RAP1GAP2: variants seen among roughly 807,000 people sequenced by gnomAD.
The protein encoded by RAP1GAP2 is RAP1 GTPase activating protein 2.
Under a neutral mutation model 95.0 loss-of-function variants are expected in RAP1GAP2, and 27 were observed. That is an observed-to-expected ratio of 0.28 (90% CI 0.21 to 0.39). RAP1GAP2 has a LOEUF of 0.39. RAP1GAP2 is among the 10% of genes least tolerant of loss of function. The probability of loss-of-function intolerance (pLI) is 1.00; values close to 1 mark genes in which losing one functional copy is unlikely to be tolerated. For synonymous variants in RAP1GAP2, 373 were observed against 380.9 expected (o/e 0.98, Z 0.24); for missense variants, 771 against 970.0 (o/e 0.79, Z 2.72).
At chr17:2,947,540 A>G (rs536454310) in intron 3 of RAP1GAP2, among the ~76,000 whole-genome samples, 3 of 152,258 alleles carry the variant, frequency 2.0e-5, no homozygotes, top group East Asian at 3.9e-4. Flanking sequence ...TCATCTGGCA[A>G]ATGTTTATTG....
intron 3 of RAP1GAP2, among the ~76,000 whole-genome samples, chr17:2,944,581 T>C (rs2043637519): frequency 6.6e-6 from 1 of 152,354 alleles, no homozygotes; most frequent in African/African-American, 2.4e-5. Context: ...TCTCCACCTT[T>C]GACCTTCCTC....
chr17:2,958,370 C>T (rs548596827), intron 4 of RAP1GAP2, among the ~76,000 whole-genome samples: 3 of 152,198 alleles, frequency 2.0e-5, no homozygotes, highest in South Asian at 2.1e-4. Flanking sequence ...TTTGGGGGTT[C>T]TTCGTTGTTC....
At chr17:2,921,305 A>T (rs904328382) in intron 3 of RAP1GAP2, among the ~76,000 whole-genome samples, 3 of 151,896 alleles carry the variant, frequency 2.0e-5, no homozygotes, top group African/African-American at 7.3e-5. Context: ...GGTTCAAGCA[A>T]TTCTCCTGCC....
intron 9 of RAP1GAP2, 89 bp from the exon 10 acceptor site, chr17:2,981,106 T>C: frequency 2.4e-6 from 3 of 1,269,868 alleles, no homozygotes; most frequent in South Asian, 1.3e-5. Flanking sequence ...TGCCTCGCCC[T>C]CCCATGCCGC....
In RAP1GAP2 at chr17:2,762,239, G is replaced by T. The variant is rs547766958; in HGVS notation, c.50+6472G>T. Among the ~76,000 whole-genome samples, 208 of 150,488 alleles carry T rather than the reference G, an allele frequency of 1.4e-3. 1 individual carries two copies. The highest frequency in any genetic ancestry group is 1.9e-3 in the Non-Finnish European group (128 of 67,164). On this transcript the variant is annotated intron_variant, in intron 1 of 25. Transcript: ENST00000637138. Reference sequence around the variant, plus strand: ...CCTGACCTCGTGATCCACCTGCCTCGGCCTCCCAAAGTGCTGGGATTACAG... The same window carrying T: ...CCTGACCTCGTGATCCACCTGCCTCTGCCTCCCAAAGTGCTGGGATTACAG...
chr17:2,882,335 A>C (rs2073336480), intron 2 of RAP1GAP2, among the ~76,000 whole-genome samples: 1 of 143,034 alleles, frequency 7.0e-6, no homozygotes, highest in Non-Finnish European at 1.5e-5. Context: ...CTTGTCCCCC[A>C]GGGTGGAGTG....
chr17:2,970,290 A>AT lies in RAP1GAP2; in HGVS notation c.596+4647_596+4648insT, dbSNP rs1467062082. ...CTCTGTCTCAAAAAAAAAAAAAAAAAAAAAAATAATAATAATACGTCCCTT... is the reference window on the plus strand; with the variant it reads ...CTCTGTCTCAAAAAAAAAAAAAAAAATAAAAAATAATAATAATACGTCCCTT... On this transcript the variant is annotated intron_variant, in intron 8 of 24. Transcript: ENST00000254695. Among the ~76,000 whole-genome samples, 254 of 148,964 alleles carry AT rather than the reference A, an allele frequency of 1.7e-3. 2 individuals are homozygous for AT. In the East Asian group the frequency reaches 0.03, roughly 17 times the overall value.
At chr17:2,811,621 A>G (rs1567669843) in intron 2 of RAP1GAP2, among the ~76,000 whole-genome samples, 1 of 152,296 alleles carries the variant, frequency 6.6e-6, no homozygotes, top group East Asian at 1.9e-4. Flanking sequence ...TCTGTCACCC[A>G]GGCTGGAGTG....
chr17:3,022,954 C>A (rs1454642744), intron 19 of RAP1GAP2, among the ~76,000 whole-genome samples: 1 of 152,140 alleles, frequency 6.6e-6, no homozygotes, highest in African/African-American at 2.4e-5. Flanking sequence ...TATGGTTATC[C>A]AGTTTTACCA....
At position 2,963,551 on chromosome 17, in the gene RAP1GAP2, CCCCCAGGGGAGAGAA is replaced by C; in HGVS notation, c.279+92_279+106del. ...ATGATGGCGATGGCCTGTGCCCAGCCCCCCAGGGGAGAGAACCTTGGGCCTGGGACCTCTCTTCCT... is the reference window on the plus strand; with the variant it reads ...ATGATGGCGATGGCCTGTGCCCAGCCCCTTGGGCCTGGGACCTCTCTTCCT... On this transcript the variant is annotated intron_variant, in intron 6 of 24. Transcript: ENST00000254695. This position sits in a 1 kb window ranked among gnomAD's most constrained non-coding sequence, Gnocchi z 4.8. 6.5e-7 allele frequency: 1 copy of C among 1,545,008 alleles called. No individual in the cohort carries two copies. Among genetic ancestry groups the C allele is most frequent in the East Asian group, 2.2e-5 (1 of 44,486 alleles).
chr17:2,763,973 G>C (rs2068232235), intron 1 of RAP1GAP2, among the ~76,000 whole-genome samples: 1 of 152,020 alleles, frequency 6.6e-6, no homozygotes, highest in Non-Finnish European at 1.5e-5. Flanking sequence ...CTGTCAGCCC[G>C]GGAGAGACCC....
rs764549507 is a variant in RAP1GAP2, at chr17:2,778,313, C to G, written c.-14+1035C>G. On this transcript the variant is annotated intron_variant, in intron 1 of 24. Transcript: ENST00000540393. Reference sequence around the variant, plus strand: ...GGGGGCCTGGTAGCTGGGTGGGATGCGGGGGCGGGAGCTGAAGTGCTACAG... The same window carrying G: ...GGGGGCCTGGTAGCTGGGTGGGATGGGGGGGCGGGAGCTGAAGTGCTACAG... 4.1e-3 allele frequency among the ~76,000 whole-genome samples: 485 copies of G among 118,308 alleles called. 3 individuals carry two copies. Among genetic ancestry groups the G allele is most frequent in the African/African-American group, 0.014 (447 of 31,398 alleles). 77.6% of individuals were successfully genotyped at this position (118,308 alleles called of 152,430 possible).
intron 3 of RAP1GAP2, among the ~76,000 whole-genome samples, chr17:2,909,438 C>A (rs1051663163): frequency 6.6e-6 from 1 of 151,756 alleles, no homozygotes; most frequent in African/African-American, 2.4e-5. Context: ...AGGGTGTAGA[C>A]GGTACTTGTG....
chr17:2,792,979 T>C (rs956936847), upstream of RAP1GAP2, among the ~76,000 whole-genome samples: 2 of 152,152 alleles, frequency 1.3e-5, no homozygotes, highest in African/African-American at 4.8e-5. Flanking sequence ...CTAGAATGCA[T>C]GCGGCGGGCA....
At chr17:2,864,716 C>A (rs563510009) in intron 2 of RAP1GAP2, among the ~76,000 whole-genome samples, 2 of 152,172 alleles carry the variant, frequency 1.3e-5, no homozygotes, top group Non-Finnish European at 2.9e-5. Context: ...AGATCCATTG[C>A]GATGAGAAAG....
At chr17:2,775,667 A>G (rs1297396067), upstream of RAP1GAP2, among the ~76,000 whole-genome samples, 1 of 152,196 alleles carries the variant, frequency 6.6e-6, no homozygotes, top group Non-Finnish European at 1.5e-5. Context: ...ACGGCTTTCT[A>G]GCACTTAGAG....
At chr17:2,978,312 C>T (rs992963532) in intron 8 of RAP1GAP2, among the ~76,000 whole-genome samples, 2 of 152,054 alleles carry the variant, frequency 1.3e-5, no homozygotes, top group African/African-American at 4.8e-5. Flanking sequence ...ACTTTGGGGC[C>T]GTTATTAGTA....
At chr17:2,853,246 C>T (rs913306792) in intron 2 of RAP1GAP2, among the ~76,000 whole-genome samples, 9 of 152,034 alleles carry the variant, frequency 5.9e-5, no homozygotes, top group African/African-American at 2.2e-4. Flanking sequence ...CCGGGAGCTG[C>T]GAGCCGGGGC....
In RAP1GAP2 at chr17:3,004,197, C is replaced by T. The variant is rs1405805351; in HGVS notation, c.1201-1172C>T. Among the ~76,000 whole-genome samples the T allele has an allele frequency of 3.9e-5, 6 of 152,214 alleles. No homozygotes were observed. Among genetic ancestry groups the T allele is most frequent in the Non-Finnish European group, 5.9e-5 (4 of 68,036 alleles). ...AGGGAACCGGGTTCAGCTGCTGGAG[C>T]CCAGCCAGAAATCACGTCAGCCGAA... On this transcript the variant is annotated intron_variant, in intron 14 of 24. Transcript: ENST00000254695. The surrounding 1 kb of genome is among the most constrained non-coding windows in gnomAD (Gnocchi z 4.1).
Sources: gnomAD v4.1 joint callset for allele counts (sites outside exome capture counted in the v4.1 genomes callset) on GRCh38, gnomAD v4.1.1 for gene constraint, Gnocchi (gnomAD v3.1) non-coding constraint, MANE v1.5 for transcripts, NCBI Gene and HGNC (gene_info 2026-07-23, HGNC 2026-07-21) for gene names.